The following YEATS2 variants were observed in gnomAD, a reference collection of about 807,000 sequenced individuals.
The protein encoded by YEATS2 is YEATS domain containing 2.
In YEATS2, 77 loss-of-function variants were observed where a neutral mutation model predicts 163.2. That is an observed-to-expected ratio of 0.47 (90% CI 0.39 to 0.57). The LOEUF (loss-of-function observed/expected upper bound fraction) is 0.57. Among genes scored for constraint, YEATS2 ranks in the 20% least tolerant of loss-of-function variants. The probability of loss-of-function intolerance (pLI) is 0.00; values close to 1 mark genes in which losing one functional copy is unlikely to be tolerated. For synonymous variants in YEATS2, 631 were observed against 645.1 expected (o/e 0.98, Z 0.33); for missense variants, 1,549 against 1,729.8 (o/e 0.90, Z 1.85).
Position 183,736,771 on chromosome 3 carries a change from T to C in YEATS2, c.866T>C (p.Val289Ala). The change falls in exon 8 of 31, where the codon GTT becomes GCT. Residue 289 changes from valine to alanine, a missense_variant. Coordinates refer to ENST00000305135, the MANE Select transcript of YEATS2 (RefSeq NM_018023.5). ...GGCTGGGGTGAGTTTCCCGTCAGAG[T>C]TCAAGTTCATTTTAAGGACAGCCAG... The part of the protein sequence containing the change: ...RRGWGEFPVR[V>A]QVHFKDSQNK... 1.2e-6 allele frequency: 2 copies of C among 1,613,870 alleles called. No individual in the cohort carries two copies. Among genetic ancestry groups the C allele is most frequent in the South Asian group, 2.2e-5 (2 of 91,060 alleles).
chr3:183,704,319 T>A (rs1345545869), intron 1 of YEATS2, among the ~76,000 whole-genome samples: 1 of 152,098 alleles, frequency 6.6e-6, no homozygotes, highest in Non-Finnish European at 1.5e-5. Context: ...GCATTATGCT[T>A]TTAATACCCT....
intron 29 of YEATS2, among the ~76,000 whole-genome samples, chr3:183,808,406 C>T (rs1489656389): frequency 6.6e-6 from 1 of 152,110 alleles, no homozygotes; most frequent in Non-Finnish European, 1.5e-5. Context: ...TTTCTGTACA[C>T]GTCACAACAG....
intron 6 of YEATS2, 147 bp from the exon 7 acceptor site, chr3:183,728,542 CA>C: frequency 1.5e-6 from 1 of 677,524 alleles, no homozygotes; most frequent in South Asian, 2.9e-5. Flanking sequence ...GATTAACTTG[CA>C]AAGACTCATT....
At position 183,726,492 on chromosome 3, in the gene YEATS2, T is replaced by G. The variant is rs115331631; in HGVS notation, c.650+1961T>G. Among the ~76,000 whole-genome samples the G allele has an allele frequency of 5.9e-3, 905 of 152,278 alleles. 7 individuals are homozygous for G. The highest frequency in any genetic ancestry group is 0.021 in the African/African-American group (862 of 41,550). On this transcript the variant is annotated intron_variant, in intron 6 of 30. Transcript: ENST00000305135. ...TTTTGCCAAGTGTCTAGGGGTAGAT[T>G]AGGACGTTATAAATCCTCTAAAAAC...
At chr3:183,712,765 T>A (rs78804928) in intron 1 of YEATS2, among the ~76,000 whole-genome samples, 6 of 46,152 alleles carry the variant, frequency 1.3e-4, no homozygotes, top group South Asian at 1.0e-3. Context: ...CTAATACAAA[T>A]TTTTTTTTTT....
intron 1 of YEATS2, among the ~76,000 whole-genome samples, chr3:183,703,361 G>A (rs7619431): frequency 0.15 from 22,518 of 152,154 alleles, 1,940 homozygotes; most frequent in South Asian, 0.19. Context: ...AATTAGCATA[G>A]CATTTTTTTG....
intron 8 of YEATS2, among the ~76,000 whole-genome samples, chr3:183,737,871 T>TA (rs960113257): frequency 1.3e-5 from 2 of 152,202 alleles, no homozygotes; most frequent in African/African-American, 4.8e-5. Context: ...ACTTGATTTT[T>TA]AAAAAAATTG....
chr3:183,785,039 C>CTGG (rs1723927524), intron 19 of YEATS2, among the ~76,000 whole-genome samples: 1 of 151,576 alleles, frequency 6.6e-6, no homozygotes, highest in South Asian at 2.1e-4. Flanking sequence ...CACCACTGCA[C>CTGG]TCCAGTCTGA....
intron 21 of YEATS2, among the ~76,000 whole-genome samples, chr3:183,793,902 C>T (rs1033938818): frequency 2.4e-4 from 36 of 152,226 alleles, no homozygotes; most frequent in East Asian, 7.7e-4. Context: ...CGTGAGCCAC[C>T]GCACCCAGCC....
intron 27 of YEATS2, among the ~76,000 whole-genome samples, 183 bp downstream of exon 27, chr3:183,804,371 G>T (rs974592720): frequency 8.5e-5 from 13 of 152,194 alleles, no homozygotes; most frequent in African/African-American, 2.9e-4. Flanking sequence ...CTCAAGTGTT[G>T]TGCCCCAGCC....
chr3:183,713,229 A>G (rs1715458562), intron 1 of YEATS2, among the ~76,000 whole-genome samples: 1 of 152,200 alleles, frequency 6.6e-6, no homozygotes, highest in South Asian at 2.1e-4. Context: ...TAGGTAAAAT[A>G]TATTGTTAAA....
rs1726533131 is a variant in YEATS2, at chr3:183,809,146, G to C, written c.4136G>C (p.Gly1379Ala). The change falls in exon 30 of 31, where the codon GGA (glycine) becomes GCA (alanine). Residue 1379 changes from glycine (G) to alanine (A), a missense_variant. Gly to Ala is a moderately conservative substitution (Grantham distance 60). Transcript: ENST00000305135. ...NDILRQALAV[G>A]YQTASHNRIP... Reference sequence around the variant, plus strand: ...ATCCTGAGACAGGCTTTGGCAGTTGGATACCAGACAGCTTCTCACAACAGG... The same window carrying C: ...ATCCTGAGACAGGCTTTGGCAGTTGCATACCAGACAGCTTCTCACAACAGG... 1 of 1,614,040 alleles carries C rather than the reference G, an allele frequency of 6.2e-7. No homozygotes were observed. The highest frequency in any genetic ancestry group is 8.5e-7 in the Non-Finnish European group (1 of 1,180,020).
chr3:183,750,926 C>G lies in YEATS2; in HGVS notation c.970-1147C>G, dbSNP rs190557929. Among the ~76,000 whole-genome samples the G allele has an allele frequency of 2.6e-4, 40 of 152,220 alleles. No homozygotes were observed. In the East Asian group the frequency reaches 4.1e-3, roughly 15 times the overall value. On this transcript the variant is annotated intron_variant, in intron 9 of 30. Transcript: ENST00000305135. ...TGCCTTTTCACTCTGTTGATTGTGT[C>G]CTTTGATGCACAGAAGTTTTTAAGT...
chr3:183,702,116 T>C (rs1362374015), intron 1 of YEATS2, among the ~76,000 whole-genome samples: 1 of 152,140 alleles, frequency 6.6e-6, no homozygotes, highest in Non-Finnish European at 1.5e-5. Flanking sequence ...AAGCTTTTTT[T>C]CCCCCTAACT....
At chr3:183,722,276 ATCTTTTT>A in intron 5 of YEATS2, 140 bp downstream of exon 5, 151 of 584,080 alleles carry the variant, frequency 2.6e-4, no homozygotes, top group Middle Eastern at 5.8e-4. Context: ...GGGAAACCAA[ATCTTTTT>A]TTTTTTTTTT....
intron 15 of YEATS2, among the ~76,000 whole-genome samples, chr3:183,769,123 C>T (rs1193802195): frequency 6.6e-6 from 1 of 152,176 alleles, no homozygotes; most frequent in Non-Finnish European, 1.5e-5. Flanking sequence ...TTTCTTCTCT[C>T]CTTAAACATA....
chr3:183,707,654 T>C (rs1237473966), intron 1 of YEATS2, among the ~76,000 whole-genome samples: 2 of 151,980 alleles, frequency 1.3e-5, no homozygotes, highest in South Asian at 2.1e-4. Flanking sequence ...TAGAAAATGA[T>C]TGTACTACTC....
chr3:183,751,981 C>T, intron 9 of YEATS2, 92 bp from the exon 10 acceptor site: 1 of 1,398,824 alleles, frequency 7.1e-7, no homozygotes, highest in Non-Finnish European at 9.9e-7. Flanking sequence ...AGTTATCTCT[C>T]ACATCCCGGA....
chr3:183,764,080 A>G (rs899177869), intron 15 of YEATS2, among the ~76,000 whole-genome samples: 2 of 152,012 alleles, frequency 1.3e-5, no homozygotes, highest in Non-Finnish European at 2.9e-5. Context: ...ACAAAAAAAC[A>G]AAAAACAATG....
Sources: gnomAD v4.1 joint callset for allele counts (sites outside exome capture counted in the v4.1 genomes callset) on GRCh38, gnomAD v4.1.1 for gene constraint, MANE v1.5 for transcripts, NCBI Gene and HGNC (gene_info 2026-07-23, HGNC 2026-07-21) for gene names.